Variants in NRG1 observed in about 807,000 individuals in gnomAD.
The protein encoded by NRG1 is pro-neuregulin-1, membrane-bound isoform.
In NRG1, 18 loss-of-function variants were observed where a neutral mutation model predicts 63.8. That is an observed-to-expected ratio of 0.28 (90% CI 0.19 to 0.42). The LOEUF is 0.42. NRG1 is among the 10% of genes least tolerant of loss of function. The probability of loss-of-function intolerance (pLI) is 1.00; values close to 1 mark genes in which losing one functional copy is unlikely to be tolerated. For synonymous variants in NRG1, 302 were observed against 301.3 expected (o/e 1.00, Z -0.02); for missense variants, 762 against 814.7 (o/e 0.94, Z 0.79).
intron 1 of NRG1, among the ~76,000 whole-genome samples, chr8:32,079,955 TA>T (rs1316391609): frequency 6.6e-6 from 1 of 152,186 alleles, no homozygotes; most frequent in Non-Finnish European, 1.5e-5. Flanking sequence ...TACAATTGGC[TA>T]AACAAGTATT....
intron 7 of NRG1, chr8:32,749,209 G>T (rs1828181483): frequency 4.4e-6 from 1 of 227,640 alleles, no homozygotes; most frequent in East Asian, 1.1e-4. Context: ...GAATGAAATA[G>T]TATCAAATGC....
intron 1 of NRG1, among the ~76,000 whole-genome samples, chr8:32,557,117 T>C (rs1327998535): frequency 6.6e-6 from 1 of 152,170 alleles, no homozygotes; most frequent in African/African-American, 2.4e-5. Flanking sequence ...GCCATTCTCC[T>C]GCCTCAGCCT....
At chr8:32,347,308 C>T (rs1017363370) in intron 1 of NRG1, among the ~76,000 whole-genome samples, 12 of 152,100 alleles carry the variant, frequency 7.9e-5, no homozygotes, top group African/African-American at 2.9e-4. Context: ...TACCCCTGCT[C>T]TTCTCCTTCC....
intron 1 of NRG1, among the ~76,000 whole-genome samples, chr8:31,860,653 G>A (rs1213901647): frequency 6.6e-6 from 1 of 151,994 alleles, no homozygotes; most frequent in African/African-American, 2.4e-5. Context: ...CACAAGTCAG[G>A]GCAAAGAGAG....
chr8:31,670,605 G>C (rs1807029356), intron 1 of NRG1, among the ~76,000 whole-genome samples: 1 of 151,288 alleles, frequency 6.6e-6, no homozygotes, highest in African/African-American at 2.4e-5. Flanking sequence ...CCTTCTGACA[G>C]AGATGATCAG....
At chr8:31,796,216 C>T (rs2131688929) in intron 1 of NRG1, among the ~76,000 whole-genome samples, 1 of 152,086 alleles carries the variant, frequency 6.6e-6, no homozygotes, top group South Asian at 2.1e-4. Flanking sequence ...AAGAAATAGA[C>T]CAGATACTTC....
At chr8:31,750,736 T>A (rs1049924867) in intron 1 of NRG1, among the ~76,000 whole-genome samples, 1 of 151,944 alleles carries the variant, frequency 6.6e-6, no homozygotes, top group African/African-American at 2.4e-5. Context: ...TCCTACTAAA[T>A]GAGCATTGCC....
At chr8:32,670,630 T>G (rs1805395071) in intron 5 of NRG1, among the ~76,000 whole-genome samples, 1 of 152,194 alleles carries the variant, frequency 6.6e-6, no homozygotes, top group Non-Finnish European at 1.5e-5. Context: ...AATCAATGAA[T>G]TTAGTAAGTT....
At chr8:32,382,699 C>T (rs896072279) in intron 1 of NRG1, among the ~76,000 whole-genome samples, 1 of 152,066 alleles carries the variant, frequency 6.6e-6, no homozygotes, top group African/African-American at 2.4e-5. Context: ...GACCTGAAAA[C>T]CTATATCAGT....
chr8:32,351,696 A>G (rs1425010722), intron 1 of NRG1, among the ~76,000 whole-genome samples: 1 of 151,080 alleles, frequency 6.6e-6, no homozygotes, highest in Non-Finnish European at 1.5e-5. Context: ...GTACCAGAAA[A>G]CCTCCTTTTT....
At position 31,863,742 on chromosome 8, in the gene NRG1, A is replaced by C. The variant is rs560208791; in HGVS notation, c.37+224311A>C. ...TCTTTATCCAATTAACCCAACTTTT[A>C]GCTCTTACATCAAATCTTCTGGAAA... On this transcript the variant is annotated intron_variant, in intron 1 of 10. Transcript: ENST00000519301. Among the ~76,000 whole-genome samples, 29 of 152,258 alleles carry C rather than the reference A, an allele frequency of 1.9e-4. 1 individual carries two copies. The highest frequency in any genetic ancestry group is 5.8e-4 in the African/African-American group (24 of 41,556).
At chr8:32,395,755 A>G (rs1350234246) in intron 1 of NRG1, among the ~76,000 whole-genome samples, 2 of 152,126 alleles carry the variant, frequency 1.3e-5, no homozygotes, top group African/African-American at 4.8e-5. Flanking sequence ...GTAGTTTATC[A>G]AGTTTTTTCT....
At chr8:31,745,155 C>T (rs1038795197) in intron 1 of NRG1, among the ~76,000 whole-genome samples, 26 of 151,866 alleles carry the variant, frequency 1.7e-4, no homozygotes, top group Admixed American at 1.4e-3. Context: ...GATGAATGCA[C>T]GATCCTGCTT....
At chr8:31,655,433 T>G (rs1392922897) in intron 1 of NRG1, among the ~76,000 whole-genome samples, 1 of 152,152 alleles carries the variant, frequency 6.6e-6, no homozygotes, top group South Asian at 2.1e-4. Context: ...GAAGCATTTC[T>G]GTTAGGGTAG....
exon 2 of NRG1, chr8:32,595,850 G>C: frequency 1.2e-6 from 2 of 1,612,052 alleles, no homozygotes; most frequent in Non-Finnish European, 1.7e-6. Flanking sequence ...GATTGAAAGA[G>C]ATGAAAAGCC....
intron 1 of NRG1, among the ~76,000 whole-genome samples, chr8:32,010,612 A>G (rs1407953023): frequency 6.6e-6 from 1 of 152,084 alleles, no homozygotes; most frequent in Non-Finnish European, 1.5e-5. Context: ...TTTATTGCTT[A>G]AAGTGTCAAT....
Position 32,145,267 on chromosome 8 carries a change from A to G in NRG1, c.38-450561A>G, listed in dbSNP as rs189865508. Among the ~76,000 whole-genome samples the G allele has an allele frequency of 3.9e-5, 6 of 152,316 alleles. No individual in the cohort carries two copies. The East Asian group carries it at 7.7e-4, about 20-fold the overall frequency. ...GAAAAAATTGCTTGGTTGTTTTCTG[A>G]GATACCTGAACCAGAAGCAATTGAG... On this transcript the variant is annotated intron_variant, in intron 1 of 10. Transcript: ENST00000519301.
chr8:32,715,465 C>G (rs2976525), intron 5 of NRG1, among the ~76,000 whole-genome samples: 5 of 151,972 alleles, frequency 3.3e-5, no homozygotes, highest in Non-Finnish European at 4.4e-5. Context: ...CAGAAAAGGT[C>G]TCCCACTGGT....
chr8:32,116,920 T>A (rs951127764), intron 1 of NRG1, among the ~76,000 whole-genome samples: 1 of 149,138 alleles, frequency 6.7e-6, no homozygotes, highest in African/African-American at 2.5e-5. Flanking sequence ...GGTAGGATGA[T>A]TGTTAGAGCC....
Sources: allele counts gnomAD v4.1 joint callset (sites outside exome capture counted in the v4.1 genomes callset), GRCh38; gene constraint gnomAD v4.1.1; transcripts MANE v1.5; gene names NCBI Gene and HGNC (gene_info 2026-07-23, HGNC 2026-07-21).